RAD54L2: variants seen among roughly 807,000 people sequenced by gnomAD.
The protein encoded by RAD54L2 is helicase ARIP4.
Under a neutral mutation model 138.4 loss-of-function variants are expected in RAD54L2, and 27 were observed. The observed-to-expected ratio is 0.20, with a 90% confidence interval of 0.14 to 0.27. The LOEUF is 0.27. Among genes scored for constraint, RAD54L2 ranks in the 10% least tolerant of loss-of-function variants. The pLI is 1.00. For missense variants in RAD54L2, 1,396 were observed against 1,890.2 expected (o/e 0.74, Z 4.85); for synonymous variants, 644 against 723.2 (o/e 0.89, Z 1.76).
intron 9 of RAD54L2, 27 bp from the exon 10 acceptor site, chr3:51,635,566 A>C (rs1250512918): frequency 6.3e-7 from 1 of 1,575,576 alleles, no homozygotes; most frequent in South Asian, 1.2e-5. Flanking sequence ...TTCACATCTC[A>C]CACAATTTTC....
intron 2 of RAD54L2, among the ~76,000 whole-genome samples, chr3:51,547,290 T>G (rs192529549): frequency 6.6e-6 from 1 of 152,096 alleles, no homozygotes; most frequent in East Asian, 1.9e-4. Context: ...GCGGGACGAT[T>G]GCCTGAACTC....
intron 3 of RAD54L2, among the ~76,000 whole-genome samples, chr3:51,617,192 GT>G (rs375102849): frequency 1.3e-4 from 20 of 152,066 alleles, no homozygotes; most frequent in African/African-American, 4.6e-4. Flanking sequence ...ATGGTTTGCT[GT>G]TTTTTTCAAA....
intron 2 of RAD54L2, among the ~76,000 whole-genome samples, chr3:51,584,987 A>G (rs1307671652): frequency 6.6e-6 from 1 of 150,528 alleles, no homozygotes; most frequent in African/African-American, 2.4e-5. Context: ...TTTTTTGTAG[A>G]GGTGGGGTCT....
chr3:51,608,811 C>T (rs1052482450), intron 3 of RAD54L2, among the ~76,000 whole-genome samples: 1 of 152,122 alleles, frequency 6.6e-6, no homozygotes, highest in African/African-American at 2.4e-5. Context: ...CAGAGGGAGA[C>T]CCAGTCCAGC....
chr3:51,568,344 A>G (rs1699262286), intron 2 of RAD54L2, among the ~76,000 whole-genome samples: 1 of 152,004 alleles, frequency 6.6e-6, no homozygotes, highest in Non-Finnish European at 1.5e-5. Context: ...TTGGACTGAC[A>G]TTTTTATTTT....
chr3:51,579,770 A>G (rs904718144), intron 2 of RAD54L2, among the ~76,000 whole-genome samples: 11 of 152,232 alleles, frequency 7.2e-5, no homozygotes, highest in Admixed American at 2.6e-4. Flanking sequence ...AGTAGTATAT[A>G]GATAAGAAAA....
intron 2 of RAD54L2, among the ~76,000 whole-genome samples, chr3:51,581,327 G>A (rs1225962023): frequency 2.0e-5 from 3 of 152,080 alleles, no homozygotes; most frequent in Non-Finnish European, 2.9e-5. Flanking sequence ...CGAACTCCTG[G>A]CCTCAAGTGA....
chr3:51,549,430 A>G (rs1196683858), intron 2 of RAD54L2, among the ~76,000 whole-genome samples: 1 of 152,142 alleles, frequency 6.6e-6, no homozygotes, highest in East Asian at 1.9e-4. Flanking sequence ...CCCATGAAAC[A>G]AGTAGGAGTC....
At chr3:51,582,200 G>C (rs963615308) in intron 2 of RAD54L2, among the ~76,000 whole-genome samples, 3 of 152,160 alleles carry the variant, frequency 2.0e-5, no homozygotes, top group Non-Finnish European at 4.4e-5. Context: ...GAGCCACTGT[G>C]CCTGGCCAGT....
chr3:51,585,153 G>C (rs915773878), intron 2 of RAD54L2, among the ~76,000 whole-genome samples: 1 of 151,956 alleles, frequency 6.6e-6, no homozygotes, highest in Non-Finnish European at 1.5e-5. Flanking sequence ...TTGTAAATTA[G>C]CTCAAATCCA....
Position 51,638,307 on chromosome 3 carries a change from T to C in RAD54L2, c.1846T>C (p.Cys616Arg). 1 of 1,613,908 alleles carries C rather than the reference T, an allele frequency of 6.2e-7. No homozygotes were observed. Among genetic ancestry groups the C allele is most frequent in the South Asian group, 1.1e-5 (1 of 91,080 alleles). Residue 616 changes from cysteine (C) to arginine (R), a missense_variant, in exon 12 of 23, where the codon TGT (cysteine) becomes CGT (arginine). Transcript: ENST00000684192. This position sits in a 1 kb window ranked among gnomAD's most constrained non-coding sequence, Gnocchi z 4.3. ...WLGLNPLKAF[C>R]VCCKIWNHPD... ...GGGGCTGAACCCCCTTAAGGCATTC[T>C]GTGTGTGTTGCAAGGTGCATTGGGG... is the stretch of plus-strand genomic sequence containing the variant.
chr3:51,639,614 G>A lies in RAD54L2; in HGVS notation c.2056G>A (p.Gly686Ser), dbSNP rs372073875. Residue 686 changes from glycine (G) to serine (S), a missense_variant, in exon 13 of 23, where the codon GGC becomes AGC. Transcript: ENST00000684192. ...GGCAACCAATAGCAAGTTCCTACAG[G>A]GCGTTGGCTTCAACCCTTTCCAGGA... is the stretch of plus-strand genomic sequence containing the variant. ...GEATNSKFLQGVGFNPFQERG... is the reference protein window; with the variant it reads ...GEATNSKFLQSVGFNPFQERG... The A allele has an allele frequency of 1.5e-4, 246 of 1,613,758 alleles. No homozygotes were observed. Among genetic ancestry groups the A allele is most frequent in the Admixed American group, 2.2e-4 (13 of 59,972 alleles).
intron 3 of RAD54L2, among the ~76,000 whole-genome samples, chr3:51,611,081 C>G (rs945014231): frequency 6.6e-6 from 1 of 152,058 alleles, no homozygotes; most frequent in African/African-American, 2.4e-5. Context: ...ATTCAGATAC[C>G]TAGCCCATTC....
chr3:51,595,064 C>T (rs531229743), intron 3 of RAD54L2, among the ~76,000 whole-genome samples: 2 of 151,900 alleles, frequency 1.3e-5, no homozygotes, highest in East Asian at 3.9e-4. Context: ...CAGAGTTTTA[C>T]CATGTTGGCC....
intron 2 of RAD54L2, among the ~76,000 whole-genome samples, chr3:51,562,406 A>G (rs368504636): frequency 1.3e-5 from 2 of 152,016 alleles, no homozygotes; most frequent in Middle Eastern, 3.4e-3. Flanking sequence ...TAATTTTTGT[A>G]TATTTAGTAG....
chr3:51,629,254 G>C, intron 4 of RAD54L2, 80 bp from the exon 5 acceptor site: 9 of 1,442,212 alleles, frequency 6.2e-6, no homozygotes, highest in Non-Finnish European at 8.5e-6. Flanking sequence ...ATCATCAATG[G>C]CTATTTCTCT....
chr3:51,612,496 G>A (rs1317029783), intron 3 of RAD54L2, among the ~76,000 whole-genome samples: 1 of 151,968 alleles, frequency 6.6e-6, no homozygotes, highest in Admixed American at 6.6e-5. Context: ...AAACAAAAAA[G>A]AATCAGCTCA....
chr3:51,582,891 G>A (rs949784161), intron 2 of RAD54L2, among the ~76,000 whole-genome samples: 1 of 151,654 alleles, frequency 6.6e-6, no homozygotes, highest in Non-Finnish European at 1.5e-5. Context: ...TCAGCCTCCC[G>A]AGTAGCTGGG....
At chr3:51,588,058 C>T (rs1019127600) in intron 2 of RAD54L2, among the ~76,000 whole-genome samples, 8 of 151,258 alleles carry the variant, frequency 5.3e-5, no homozygotes, top group South Asian at 4.2e-4. Flanking sequence ...TGGTGGCAGG[C>T]GCCTGTAGTC....
Sources: allele counts gnomAD v4.1 joint callset (sites outside exome capture counted in the v4.1 genomes callset), GRCh38; gene constraint gnomAD v4.1.1; non-coding constraint Gnocchi (gnomAD v3.1); transcripts MANE v1.5; gene names NCBI Gene and HGNC (gene_info 2026-07-23, HGNC 2026-07-21).